Variants in PSD3 observed in about 807,000 individuals in gnomAD.
The protein encoded by PSD3 is pleckstrin and Sec7 domain containing 3.
In PSD3, 49 loss-of-function variants were observed where a neutral mutation model predicts 105.5. The observed-to-expected ratio is 0.46, with a 90% CI of 0.37 to 0.59. The LOEUF is 0.59. Among genes scored for constraint, PSD3 ranks in the 20% least tolerant of loss-of-function variants. The pLI is 0.00. For synonymous variants in PSD3, 557 were observed against 457.8 expected, an observed-to-expected ratio of 1.22 and a Z score of -2.77; for missense variants, 1,561 against 1,263.8, an observed-to-expected ratio of 1.24 and a Z score of -3.57.
intron 15 of PSD3, 38 bp from the exon 16 acceptor site, chr8:18,535,996 C>G: frequency 6.3e-7 from 1 of 1,585,100 alleles, no homozygotes; most frequent in Non-Finnish European, 8.6e-7. Context: ...AGTCAGAAAA[C>G]TGTTCAAAAT....
chr8:19,057,466 C>G (rs1462606825), intron 1 of PSD3, among the ~76,000 whole-genome samples: 1 of 152,184 alleles, frequency 6.6e-6, no homozygotes, highest in Non-Finnish European at 1.5e-5. Context: ...CTTCTGTGTT[C>G]TTTGCAAGAT....
intron 9 of PSD3, among the ~76,000 whole-genome samples, chr8:18,741,265 T>C (rs986187155): frequency 1.3e-5 from 2 of 152,156 alleles, no homozygotes; most frequent in African/African-American, 4.8e-5. Context: ...CAAGATGCGA[T>C]GTCATCTCCA....
intron 9 of PSD3, among the ~76,000 whole-genome samples, chr8:18,724,188 G>T (rs1229708463): frequency 6.6e-6 from 1 of 152,196 alleles, no homozygotes; most frequent in Non-Finnish European, 1.5e-5. Flanking sequence ...TCAGCATCAG[G>T]ACGAGTAGAG....
chr8:18,644,407 GC>G (rs1407919373), intron 10 of PSD3, among the ~76,000 whole-genome samples: 2 of 152,114 alleles, frequency 1.3e-5, no homozygotes, highest in African/African-American at 4.8e-5. Context: ...CATAAATTCT[GC>G]CTTCCCTAAA....
intron 9 of PSD3, among the ~76,000 whole-genome samples, chr8:18,693,954 G>C (rs1162197319): frequency 6.6e-6 from 1 of 152,158 alleles, no homozygotes; most frequent in East Asian, 1.9e-4. Flanking sequence ...CATGGCATCT[G>C]ATAGGTAAGT....
intron 4 of PSD3, among the ~76,000 whole-genome samples, chr8:18,811,948 A>G (rs1811725338): frequency 6.6e-6 from 1 of 152,242 alleles, no homozygotes; most frequent in Non-Finnish European, 1.5e-5. Flanking sequence ...AACAATTTAC[A>G]GTCATTTGAA....
At chr8:18,649,780 G>C (rs889014023) in intron 10 of PSD3, among the ~76,000 whole-genome samples, 8 of 152,172 alleles carry the variant, frequency 5.3e-5, no homozygotes, top group African/African-American at 1.9e-4. Flanking sequence ...CTTTGGTGCT[G>C]TTCTCATGGT....
intron 9 of PSD3, among the ~76,000 whole-genome samples, chr8:18,760,430 C>T (rs1273344291): frequency 7.4e-6 from 1 of 135,104 alleles, no homozygotes; most frequent in Non-Finnish European, 1.6e-5. Context: ...TGGTAACCAC[C>T]ATTTAACTCC....
chr8:18,738,044 G>A (rs1006239986), intron 9 of PSD3, among the ~76,000 whole-genome samples: 1 of 152,152 alleles, frequency 6.6e-6, no homozygotes, highest in Non-Finnish European at 1.5e-5. Flanking sequence ...TAATCAGTGT[G>A]AAATTGGGAG....
At chr8:18,576,378 C>A (rs2634432) in intron 12 of PSD3, among the ~76,000 whole-genome samples, 9 of 152,032 alleles carry the variant, frequency 5.9e-5, no homozygotes, top group Admixed American at 1.3e-4. Flanking sequence ...TTAAGCCTCC[C>A]AGGATAAGAA....
intron 1 of PSD3, among the ~76,000 whole-genome samples, chr8:19,049,754 A>G (rs1418214470): frequency 1.3e-5 from 2 of 151,810 alleles, no homozygotes; most frequent in Non-Finnish European, 2.9e-5. Context: ...TCCTCTAATG[A>G]AAAGGTAAAA....
rs369268271 is a variant in PSD3, at chr8:18,596,876, A to G, written c.2481+3488T>C. Among the ~76,000 whole-genome samples the G allele has an allele frequency of 9.9e-5, 15 of 152,278 alleles. No homozygotes were observed. The South Asian group carries it at 3.1e-3, about 32-fold the overall frequency. ...AAGTTTAGGAGCAGATGGCTTCACC[A>G]GTGAATTCTACCTAACAGTTAAACA... On this transcript the variant is annotated intron_variant, in intron 12 of 15. Transcript: ENST00000327040.
At chr8:18,905,208 G>A (rs888771026) in intron 2 of PSD3, among the ~76,000 whole-genome samples, 1 of 152,052 alleles carries the variant, frequency 6.6e-6, no homozygotes, top group African/African-American at 2.4e-5. Flanking sequence ...GATCACCTCT[G>A]CACTTTTGCT....
At chr8:18,962,117 G>T (rs1823964053) in intron 1 of PSD3, among the ~76,000 whole-genome samples, 1 of 151,974 alleles carries the variant, frequency 6.6e-6, no homozygotes. Context: ...CTGGTGGCGG[G>T]CACCTGTAAT....
intron 1 of PSD3, among the ~76,000 whole-genome samples, chr8:18,970,506 A>G (rs972064091): frequency 2.6e-5 from 4 of 152,150 alleles, no homozygotes; most frequent in Non-Finnish European, 5.9e-5. Flanking sequence ...CTACCAGACA[A>G]TCAGACATAG....
chr8:18,807,262 G>A (rs1170287743), intron 4 of PSD3, among the ~76,000 whole-genome samples: 2 of 152,152 alleles, frequency 1.3e-5, no homozygotes, highest in African/African-American at 2.4e-5. Flanking sequence ...AGCAGCCAGG[G>A]CTCCTGGACA....
At chr8:18,835,190 A>G (rs1429135179) in intron 4 of PSD3, among the ~76,000 whole-genome samples, 1 of 152,236 alleles carries the variant, frequency 6.6e-6, no homozygotes, top group Non-Finnish European at 1.5e-5. Context: ...ACCAGCAATT[A>G]TATGTCTAAG....
chr8:18,685,910 A>G (rs1386530956), intron 9 of PSD3, among the ~76,000 whole-genome samples: 1 of 152,186 alleles, frequency 6.6e-6, no homozygotes, highest in Non-Finnish European at 1.5e-5. Context: ...GGATAAAGAC[A>G]GTGCACGGGC....
At chr8:18,776,201 T>C (rs1321962858) in intron 8 of PSD3, among the ~76,000 whole-genome samples, 1 of 150,430 alleles carries the variant, frequency 6.6e-6, no homozygotes, top group Non-Finnish European at 1.5e-5. Flanking sequence ...CACTGACCAA[T>C]GTGTCTATTT....
Sources: gnomAD v4.1 joint callset for allele counts (sites outside exome capture counted in the v4.1 genomes callset) on GRCh38, gnomAD v4.1.1 for gene constraint, MANE v1.5 for transcripts, NCBI Gene and HGNC (gene_info 2026-07-23, HGNC 2026-07-21) for gene names.